Variants in RFX3 observed in about 807,000 individuals in gnomAD.
RFX3 encodes regulatory factor X3.
In RFX3, 14 loss-of-function variants were observed where a neutral mutation model predicts 98.6. The observed-to-expected ratio is 0.14, with a 90% CI of 0.09 to 0.22. The LOEUF (loss-of-function observed/expected upper bound fraction) is 0.22. Ranked by LOEUF, RFX3 falls within the 10% of genes least tolerant of loss-of-function variation. RFX3 has a pLI of 1.00. For synonymous variants in RFX3, 383 were observed against 328.4 expected (o/e 1.17, Z -1.80); for missense variants, 639 against 926.9 (o/e 0.69, Z 4.03).
rs1308295150 is a variant in RFX3 at position 3,505,027 on chromosome 9, AATAAT to A, written c.-9+20715_-9+20719del. On this transcript the variant is annotated intron_variant, in intron 1 of 16. Transcript: ENST00000617270. ...ATAAAATGTATAATAAAATATTTTA[AATAAT>A]ATAATATATTTTATATTATATATAA... Among the ~76,000 whole-genome samples the A allele has an allele frequency of 5.4e-3, 454 of 84,602 alleles. 3 individuals are homozygous for A. Among genetic ancestry groups the A allele is most frequent in the African/African-American group, 0.016 (320 of 19,906 alleles). The allele number at this position is 84,602 out of a possible 152,430, so 55.5% of individuals were successfully genotyped here.
intron 5 of RFX3, among the ~76,000 whole-genome samples, chr9:3,297,802 G>A (rs1288068500): frequency 4.0e-5 from 6 of 151,850 alleles, no homozygotes; most frequent in African/African-American, 1.4e-4. Context: ...GACGGCTAGA[G>A]CTTTTCATAA....
chr9:3,523,182 T>A (rs528183291), intron 1 of RFX3, among the ~76,000 whole-genome samples: 1 of 152,342 alleles, frequency 6.6e-6, no homozygotes, highest in African/African-American at 2.4e-5. Flanking sequence ...ATTTGACTAT[T>A]CAAAACAAGT....
intron 14 of RFX3, 58 bp from the exon 15 acceptor site, chr9:3,248,243 T>C: frequency 1.2e-5 from 18 of 1,502,546 alleles, no homozygotes; most frequent in Non-Finnish European, 1.5e-5. Context: ...ATTAGCATTC[T>C]ACCTATTTTT....
intron 15 of RFX3, among the ~76,000 whole-genome samples, chr9:3,240,445 C>G (rs907978726): frequency 1.3e-5 from 2 of 152,098 alleles, no homozygotes; most frequent in African/African-American, 4.8e-5. Flanking sequence ...TATCAGAGGA[C>G]TATATCTTAA....
chr9:3,327,935 T>C (rs555630920), intron 4 of RFX3, among the ~76,000 whole-genome samples: 1 of 152,072 alleles, frequency 6.6e-6, no homozygotes, highest in East Asian at 1.9e-4. Context: ...AGGTTAGCAA[T>C]GCAACTGTAT....
chr9:3,416,058 G>A (rs1205834063), intron 1 of RFX3, among the ~76,000 whole-genome samples: 1 of 152,202 alleles, frequency 6.6e-6, no homozygotes, highest in Non-Finnish European at 1.5e-5. Flanking sequence ...ATTAAAGTCT[G>A]CAGAGATAAT....
chr9:3,316,707 TCA>T (rs1830639003), intron 4 of RFX3, among the ~76,000 whole-genome samples: 1 of 152,052 alleles, frequency 6.6e-6, no homozygotes, highest in Admixed American at 6.5e-5. Flanking sequence ...TGTGCAAAAA[TCA>T]CAAGCATTCC....
chr9:3,325,114 C>T (rs893590861), intron 4 of RFX3, among the ~76,000 whole-genome samples: 7 of 152,172 alleles, frequency 4.6e-5, no homozygotes, highest in Admixed American at 3.3e-4. Flanking sequence ...ATAACTAATT[C>T]GTATAAATAA....
At chr9:3,262,481 G>A (rs906435092) in intron 13 of RFX3, among the ~76,000 whole-genome samples, 3 of 151,934 alleles carry the variant, frequency 2.0e-5, no homozygotes, top group Admixed American at 2.0e-4. Context: ...TTTCAAGGAG[G>A]GGCAACAAAA....
rs549031492 is a variant in RFX3, at chr9:3,220,177, C to T, written c.*4865G>A. 1.3e-5 allele frequency: 2 copies of T among 152,198 alleles called. No individual in the cohort carries two copies. The highest frequency in any genetic ancestry group is 2.4e-5 in the African/African-American group (1 of 41,528). 9.4% of individuals were successfully genotyped at this position (152,198 alleles called of 1,614,324 possible). A position where few individuals can be genotyped will look rare whatever the true frequency, so the allele number is the denominator to read the frequency against. ...ATAAAATTATGCCCTGTGTGAAATT[C>T]GCAAACAATATTTTATGAGCGATCT... On this transcript the variant is annotated 3_prime_UTR_variant, in exon 17 of 17. Coordinates refer to ENST00000617270, the MANE Select transcript of RFX3 (RefSeq NM_001282116.2).
chr9:3,248,068 C>T lies in RFX3; in HGVS notation c.1932G>A (p.Gln644=). The T allele has an allele frequency of 6.2e-7, 1 of 1,613,966 alleles. No individual in the cohort carries two copies. The highest frequency in any genetic ancestry group is 8.5e-7 in the Non-Finnish European group (1 of 1,179,918). ...CTGCTATAGGAGTCTCTCCTGTTGC[C>T]TGAGCAACACGATGTTCTACTAAGT... The part of the protein sequence containing the change: ...MFYLVEHRVA[Q]ATGETPIAVM... Residue 644 remains glutamine (Q), a synonymous_variant, in exon 15 of 17, where the codon CAG becomes CAA. Transcript: ENST00000617270.
intron 5 of RFX3, 122 bp from the exon 6 acceptor site, chr9:3,293,380 T>A: frequency 1.5e-6 from 1 of 647,700 alleles, no homozygotes; most frequent in Non-Finnish European, 2.5e-6. Flanking sequence ...TATGATAGAG[T>A]AAACTGCTAT....
At chr9:3,503,644 C>G (rs1361283578) in intron 1 of RFX3, among the ~76,000 whole-genome samples, 2 of 152,030 alleles carry the variant, frequency 1.3e-5, no homozygotes, top group Admixed American at 1.3e-4. Context: ...GAATTCAAGA[C>G]AATTTGCCTC....
At chr9:3,312,617 G>A (rs1008842512) in intron 4 of RFX3, among the ~76,000 whole-genome samples, 5 of 151,384 alleles carry the variant, frequency 3.3e-5, no homozygotes, top group South Asian at 2.1e-4. Context: ...CAAGATGGCC[G>A]AATAGGAACA....
intron 1 of RFX3, among the ~76,000 whole-genome samples, chr9:3,517,671 T>A (rs1216489751): frequency 6.6e-6 from 1 of 152,178 alleles, no homozygotes; most frequent in East Asian, 1.9e-4. Flanking sequence ...GCAAACACAG[T>A]GTTTATGGAC....
chr9:3,284,960 C>T (rs1175554169), intron 7 of RFX3, among the ~76,000 whole-genome samples: 1 of 151,582 alleles, frequency 6.6e-6, no homozygotes, highest in Non-Finnish European at 1.5e-5. Context: ...TTTCCTCTAC[C>T]ACCCCATCAA....
chr9:3,283,745 G>A (rs1482745494), intron 7 of RFX3, among the ~76,000 whole-genome samples: 1 of 151,710 alleles, frequency 6.6e-6, no homozygotes, highest in African/African-American at 2.4e-5. Context: ...GAATCCAATT[G>A]CTGTGAAGAG....
chr9:3,395,505 C>T lies in RFX3; in HGVS notation c.84G>A (p.Thr28=), dbSNP rs1840764697. Reference sequence around the variant, plus strand: ...GTACTGGTACTTGCTGTACCACCTGCGTAGGCACTGCTGCTTGACTAGCCA... The same window carrying T: ...GTACTGGTACTTGCTGTACCACCTGTGTAGGCACTGCTGCTTGACTAGCCA... ...TSVASQAAVP[T]QVVQQVPVQQ... The change falls in exon 2 of 17, where the codon ACG becomes ACA. Residue 28 remains threonine (T), a synonymous_variant. Coordinates refer to ENST00000617270, the MANE Select transcript of RFX3 (RefSeq NM_001282116.2). 2.5e-6 allele frequency: 4 copies of T among 1,614,104 alleles called. No individual in the cohort carries two copies. Among genetic ancestry groups the T allele is most frequent in the East Asian group, 2.2e-5 (1 of 44,886 alleles).
chr9:3,401,764 T>A (rs748164317), intron 1 of RFX3, among the ~76,000 whole-genome samples: 1 of 152,208 alleles, frequency 6.6e-6, no homozygotes, highest in Non-Finnish European at 1.5e-5. Context: ...ATTAAGCAGT[T>A]GGACACACCC....
Sources: gnomAD v4.1 joint callset for allele counts (sites outside exome capture counted in the v4.1 genomes callset) on GRCh38, gnomAD v4.1.1 for gene constraint, MANE v1.5 for transcripts, NCBI Gene and HGNC (gene_info 2026-07-23, HGNC 2026-07-21) for gene names.